Variants in EYS observed in about 807,000 individuals in gnomAD.
The protein encoded by EYS is EGF-like photoreceptor maintenance factor, also known as protein eyes shut homolog.
In EYS, 250 loss-of-function variants were observed where a neutral mutation model predicts 282.1. The ratio of observed to expected loss-of-function variants is 0.89; its 90% CI spans 0.80 to 0.98. EYS has a LOEUF of 0.98. Ranked by LOEUF, EYS falls within the 50% of genes least tolerant of loss-of-function variation. The pLI, the probability that EYS is intolerant of heterozygous loss-of-function variation, is 0.00. For missense variants in EYS, 4,016 were observed against 3,709.0 expected (o/e 1.08, Z -2.15); for synonymous variants, 1,355 against 1,282.9 (o/e 1.06, Z -1.20).
At chr6:63,923,466 T>C (rs184903970) in intron 35 of EYS, among the ~76,000 whole-genome samples, 12 of 152,288 alleles carry the variant, frequency 7.9e-5, no homozygotes, top group East Asian at 3.9e-4. Flanking sequence ...AAGATGCTAA[T>C]TAGAAAAGAA....
At chr6:63,914,815 A>G (rs1231840105) in intron 35 of EYS, among the ~76,000 whole-genome samples, 1 of 152,168 alleles carries the variant, frequency 6.6e-6, no homozygotes, top group Non-Finnish European at 1.5e-5. Context: ...CCTTTAAGCC[A>G]AAAGCTAATC....
chr6:63,879,054 C>G lies in EYS; in HGVS notation c.7056-14696G>C, dbSNP rs139888155. 5.2e-3 allele frequency among the ~76,000 whole-genome samples: 790 copies of G among 152,276 alleles called. 9 individuals are homozygous for G. The highest frequency in any genetic ancestry group is 0.017 in the African/African-American group (704 of 41,552). ...TCTTCTATGTCATTCACGTTGGGAG[C>G]TGTAGACTGGAGCTGTTCCTATTTG... On this transcript the variant is annotated intron_variant, in intron 35 of 42. Transcript: ENST00000503581.
At chr6:65,640,991 C>G (rs954815996) in intron 1 of EYS, among the ~76,000 whole-genome samples, 2 of 152,072 alleles carry the variant, frequency 1.3e-5, no homozygotes, top group Non-Finnish European at 2.9e-5. Flanking sequence ...TCACTCTGTC[C>G]TGTATATACT....
At chr6:64,698,958 G>A (rs1770682563) in intron 22 of EYS, among the ~76,000 whole-genome samples, 2 of 152,074 alleles carry the variant, frequency 1.3e-5, no homozygotes, top group African/African-American at 4.8e-5. Context: ...ATTCAACCCA[G>A]CAGTCCCATT....
At chr6:64,763,667 T>C (rs1432123322) in intron 22 of EYS, among the ~76,000 whole-genome samples, 1 of 152,156 alleles carries the variant, frequency 6.6e-6, no homozygotes, top group Admixed American at 6.5e-5. Flanking sequence ...TCTTAACTTA[T>C]TCCAGTATTA....
intron 13 of EYS, among the ~76,000 whole-genome samples, chr6:65,049,041 G>A (rs941787840): frequency 6.6e-6 from 1 of 151,618 alleles, no homozygotes; most frequent in African/African-American, 2.4e-5. Flanking sequence ...AATCTGCTTC[G>A]CTATAGTAAC....
chr6:63,954,564 G>A (rs752960873), intron 35 of EYS, among the ~76,000 whole-genome samples: 1 of 152,180 alleles, frequency 6.6e-6, no homozygotes, highest in Non-Finnish European at 1.5e-5. Flanking sequence ...CAAAGGAAGT[G>A]GGAGTCATTC....
chr6:64,157,700 G>GCA (rs879761878), intron 31 of EYS, among the ~76,000 whole-genome samples: 118 of 152,174 alleles, frequency 7.8e-4, no homozygotes, highest in Non-Finnish European at 9.1e-4. Flanking sequence ...TTGGAGAGGT[G>GCA]TTGAGCCTGC....
At chr6:64,411,922 CATGT>C (rs968075141) in intron 28 of EYS, among the ~76,000 whole-genome samples, 5 of 150,432 alleles carry the variant, frequency 3.3e-5, no homozygotes, top group Non-Finnish European at 5.9e-5. Flanking sequence ...TATATGCATG[CATGT>C]ATGTATATAT....
At chr6:64,619,905 G>A (rs1034075828) in intron 23 of EYS, among the ~76,000 whole-genome samples, 1 of 152,052 alleles carries the variant, frequency 6.6e-6, no homozygotes, top group Admixed American at 6.6e-5. Flanking sequence ...ACAACTACAA[G>A]TTTTCTAAAG....
chr6:63,916,896 C>T (rs751480789), intron 35 of EYS, among the ~76,000 whole-genome samples: 4 of 152,118 alleles, frequency 2.6e-5, no homozygotes, highest in Non-Finnish European at 5.9e-5. Flanking sequence ...GCAAGAAGTT[C>T]CAGGTGCTGT....
chr6:65,541,048 G>C (rs1768151896), intron 2 of EYS, among the ~76,000 whole-genome samples: 1 of 151,612 alleles, frequency 6.6e-6, no homozygotes, highest in South Asian at 2.1e-4. Flanking sequence ...TGCCTATATA[G>C]TTTGCATAAA....
rs1766399791 is a variant in EYS, at chr6:64,230,690, T to A, written c.6326A>T (p.His2109Leu). 1 of 1,551,492 alleles carries A rather than the reference T, an allele frequency of 6.4e-7. No individual in the cohort carries two copies. The highest frequency in any genetic ancestry group is 1.2e-5 in the South Asian group (1 of 84,062). Reference protein sequence around the residue: ...APSVCQQDVCHNGGTCHAIFL... With the variant: ...APSVCQQDVCLNGGTCHAIFL... ...GATGGCATGGCATGTGCCTCCATTGTGGCATACATCCTGCTGGCACACAGA... is the reference window on the plus strand; with the variant it reads ...GATGGCATGGCATGTGCCTCCATTGAGGCATACATCCTGCTGGCACACAGA... The change falls in exon 31 of 43, where the codon CAC (histidine) becomes CTC (leucine). Residue 2109 changes from histidine (H) to leucine (L), a missense_variant. By Grantham distance (99) the His-to-Leu change is moderately conservative (BLOSUM62 -3). Coordinates refer to ENST00000503581, the MANE Select transcript of EYS (RefSeq NM_001142800.2).
intron 22 of EYS, among the ~76,000 whole-genome samples, chr6:64,683,560 A>G (rs1458313105): frequency 6.6e-6 from 1 of 152,230 alleles, no homozygotes; most frequent in Non-Finnish European, 1.5e-5. Context: ...AGTACTGAAA[A>G]TACAGGAGAG....
chr6:64,428,928 T>G (rs1774497783), intron 28 of EYS, among the ~76,000 whole-genome samples: 1 of 152,162 alleles, frequency 6.6e-6, no homozygotes, highest in African/African-American at 2.4e-5. Flanking sequence ...GCAGCTGCTA[T>G]GTGCTTCTTT....
intron 12 of EYS, among the ~76,000 whole-genome samples, chr6:65,256,555 T>C (rs1767472544): frequency 9.9e-6 from 1 of 100,696 alleles, no homozygotes; most frequent in Admixed American, 1.1e-4. Flanking sequence ...TTACTGAGAA[T>C]GATGGTTTCC....
rs1035867897 is a variant in EYS, at chr6:64,301,177, A to C, written c.6191+5793T>G. On this transcript the variant is annotated intron_variant, in intron 30 of 42. Coordinates refer to ENST00000503581, the MANE Select transcript of EYS (RefSeq NM_001142800.2). ...AGTAAGACCTCAAAAGCTTAAATTA[A>C]ATACTAAAAACTTACGTACCTTAAA... Among the ~76,000 whole-genome samples the C allele has an allele frequency of 7.2e-5, 11 of 152,344 alleles. No homozygotes were observed. In the South Asian group the frequency reaches 1.2e-3, roughly 17 times the overall value.
intron 33 of EYS, among the ~76,000 whole-genome samples, chr6:64,029,907 T>C (rs1305768765): frequency 6.6e-6 from 1 of 151,904 alleles, no homozygotes; most frequent in Non-Finnish European, 1.5e-5. Context: ...AGAGAGGGAG[T>C]TCCTAACCTC....
chr6:65,318,144 T>G (rs1274277008), intron 11 of EYS, among the ~76,000 whole-genome samples: 1 of 149,576 alleles, frequency 6.7e-6, no homozygotes, highest in East Asian at 2.0e-4. Context: ...TGGGATTACA[T>G]GCGTGAGCCA....
Sources: allele counts gnomAD v4.1 joint callset (sites outside exome capture counted in the v4.1 genomes callset), GRCh38; gene constraint gnomAD v4.1.1; transcripts MANE v1.5; gene names NCBI Gene and HGNC (gene_info 2026-07-23, HGNC 2026-07-21).